Variants in TNC observed in about 807,000 individuals in gnomAD.
TNC encodes tenascin C.
Under a neutral mutation model 202.4 loss-of-function variants are expected in TNC, and 109 were observed. That is an observed-to-expected ratio of 0.54 (90% CI 0.46 to 0.63). The LOEUF (loss-of-function observed/expected upper bound fraction) is 0.63. Ranked by LOEUF, TNC falls within the 30% of genes least tolerant of loss-of-function variation. TNC has a pLI of 0.00. For missense variants in TNC, 2,756 were observed against 2,833.3 expected (o/e 0.97, Z 0.62); for synonymous variants, 1,007 against 1,089.7 (o/e 0.92, Z 1.50).
chr9:115,047,414 T>G (rs1309564067), intron 16 of TNC, among the ~76,000 whole-genome samples: 1 of 152,148 alleles, frequency 6.6e-6, no homozygotes, highest in Non-Finnish European at 1.5e-5. Flanking sequence ...AGAGCTGAGT[T>G]TCCCAAAGTG....
chr9:115,078,670 A>G (rs1834068429), intron 6 of TNC, among the ~76,000 whole-genome samples: 4 of 152,246 alleles, frequency 2.6e-5, no homozygotes, highest in Admixed American at 1.3e-4. Context: ...TACCAAGCAG[A>G]AAAGTGAGGC....
At position 115,053,159 on chromosome 9, in the gene TNC, A is replaced by T. The variant is rs935371699; in HGVS notation, c.4579+3994T>A. ...AGACAGTATGTTAGGCTGTGTCTAC[A>T]CCTGCATTGAATATGATGATAGAAA... is the stretch of plus-strand genomic sequence containing the variant. On this transcript the variant is annotated intron_variant, in intron 15 of 27. Transcript: ENST00000350763. 15 of 591,796 alleles carry T rather than the reference A, an allele frequency of 2.5e-5. No individual in the cohort carries two copies. In the African/African-American group the frequency reaches 2.6e-4, roughly 10 times the overall value. 36.7% of individuals were successfully genotyped at this position (591,796 alleles called of 1,614,324 possible).
chr9:115,105,876 G>A (rs895288928), intron 1 of TNC, among the ~76,000 whole-genome samples: 5 of 152,110 alleles, frequency 3.3e-5, no homozygotes, highest in African/African-American at 9.7e-5. Context: ...TGTTTAATAG[G>A]TTCATGCTCG....
intron 1 of TNC, among the ~76,000 whole-genome samples, chr9:115,095,955 T>C (rs1835759995): frequency 6.6e-6 from 1 of 152,076 alleles, no homozygotes; most frequent in Non-Finnish European, 1.5e-5. Context: ...ACGCAGATTT[T>C]TGGGGTCCCA....
chr9:115,104,516 A>C (rs535870702), intron 1 of TNC, among the ~76,000 whole-genome samples: 1 of 152,150 alleles, frequency 6.6e-6, no homozygotes, highest in Non-Finnish European at 1.5e-5. Context: ...CTTAAGACCA[A>C]TTTCTACTTA....
At position 115,042,219 on chromosome 9, in the gene TNC, C is replaced by G; in HGVS notation, c.5248G>C (p.Gly1750Arg). 6.2e-7 allele frequency: 1 copy of G among 1,613,804 alleles called. No individual in the cohort carries two copies. The highest frequency in any genetic ancestry group is 1.1e-5 in the South Asian group (1 of 91,008). Residue 1750 changes from glycine (G) to arginine (R), a missense_variant and splice_region_variant, in exon 18 of 28, where the codon GGT (glycine) becomes CGT (arginine). Physicochemically the swap from Gly to Arg is moderately radical, Grantham distance 125. Coordinates refer to ENST00000350763, the MANE Select transcript of TNC (RefSeq NM_002160.4). ...TCTCTCCCCTTTCCGAGTCTCCTACCTCCTGTAATGGGCACATAGGTAATC... is the reference window on the plus strand; with the variant it reads ...TCTCTCCCCTTTCCGAGTCTCCTACGTCCTGTAATGGGCACATAGGTAATC... ...FRITYVPITG[G>R]TPSMVTVDGT... is the part of the protein sequence containing the mutation.
intron 15 of TNC, among the ~76,000 whole-genome samples, chr9:115,050,105 T>G (rs1831532694): frequency 6.6e-6 from 1 of 152,184 alleles, no homozygotes; most frequent in African/African-American, 2.4e-5. Flanking sequence ...TCCTGGATTT[T>G]GTTTAGATAA....
chr9:115,104,991 A>G (rs1445453611), intron 1 of TNC, among the ~76,000 whole-genome samples: 5 of 152,190 alleles, frequency 3.3e-5, no homozygotes, highest in Non-Finnish European at 7.3e-5. Flanking sequence ...GCAAAACTAG[A>G]CAGCTTTGGA....
Position 115,073,805 on chromosome 9 carries a change from G to A in TNC, c.3012C>T (p.Leu1004=), listed in dbSNP as rs1752795193. 6.2e-7 allele frequency: 1 copy of A among 1,613,896 alleles called. No individual in the cohort carries two copies. The highest frequency in any genetic ancestry group is 1.7e-5 in the Admixed American group (1 of 60,004). ...SETAETSLTL[L]WKTPLAKFDR... is the part of the protein sequence containing the mutation. ...CAAATTTGGCCAACGGTGTCTTCCA[G>A]AGCAGGGTCAGGCTGGTCTCTGCAG... The change falls in exon 10 of 28, where the codon CTC becomes CTT. Residue 1004 remains leucine (L), a synonymous_variant. Transcript: ENST00000350763.
chr9:115,027,477 C>T (rs576001978), intron 25 of TNC, among the ~76,000 whole-genome samples: 3 of 152,086 alleles, frequency 2.0e-5, no homozygotes, highest in South Asian at 4.2e-4. Context: ...GTAATCTCAG[C>T]TACCTGGGGG....
chr9:115,106,446 A>G (rs1328227965), intron 1 of TNC, among the ~76,000 whole-genome samples: 1 of 152,230 alleles, frequency 6.6e-6, no homozygotes, highest in Admixed American at 6.5e-5. Context: ...TATCATTAAT[A>G]TGAATAGAGT....
intron 13 of TNC, among the ~76,000 whole-genome samples, chr9:115,061,709 A>G (rs1456495035): frequency 6.6e-6 from 1 of 152,234 alleles, no homozygotes; most frequent in Non-Finnish European, 1.5e-5. Context: ...AGAGTGGGGC[A>G]TGGGCTTAGG....
At chr9:115,092,596 C>T (rs1416218309) in intron 1 of TNC, among the ~76,000 whole-genome samples, 1 of 152,078 alleles carries the variant, frequency 6.6e-6, no homozygotes, top group Admixed American at 6.6e-5. Context: ...ATTTTTGAGA[C>T]AGAGTCTCAC....
intron 1 of TNC, among the ~76,000 whole-genome samples, chr9:115,100,027 T>C (rs1300983505): frequency 6.6e-6 from 1 of 152,178 alleles, no homozygotes; most frequent in Non-Finnish European, 1.5e-5. Context: ...GTGGGGCTCT[T>C]TTCTGGGAGG....
intron 6 of TNC, 30 bp downstream of exon 6, chr9:115,081,742 C>G: frequency 6.2e-7 from 1 of 1,612,920 alleles, no homozygotes; most frequent in Admixed American, 1.7e-5. Flanking sequence ...TCAGCCTTAT[C>G]ATTCTATAAG....
At chr9:115,078,997 C>T (rs1002646162) in intron 6 of TNC, among the ~76,000 whole-genome samples, 4 of 152,156 alleles carry the variant, frequency 2.6e-5, no homozygotes, top group East Asian at 3.9e-4. Context: ...TTTTTTAACC[C>T]GGCTTCAGTC....
chr9:115,095,608 G>GTATATATATGTA (rs1445163214), intron 1 of TNC, among the ~76,000 whole-genome samples: 1 of 1,560 alleles, frequency 6.4e-4, no homozygotes, highest in African/African-American at 2.2e-3. Context: ...ATATATATAT[G>GTATATATATGTA]TATATATGTA....
At position 115,089,494 on chromosome 9, in the gene TNC, C is replaced by G. The variant is rs575108459; in HGVS notation, c.457+1068G>C. Reference sequence around the variant, plus strand: ...AAAATCCCTATCTCTCTCTCTCTCTCTCTCTCTCTATCTCTTTTTTTTTCG... The same window carrying G: ...AAAATCCCTATCTCTCTCTCTCTCTGTCTCTCTCTATCTCTTTTTTTTTCG... On this transcript the variant is annotated intron_variant, in intron 2 of 27. Coordinates refer to ENST00000350763, the MANE Select transcript of TNC (RefSeq NM_002160.4). Among the ~76,000 whole-genome samples the G allele has an allele frequency of 2.0e-5, 3 of 152,184 alleles. No individual in the cohort carries two copies. In the South Asian group the frequency reaches 6.3e-4, roughly 32 times the overall value.
chr9:115,041,161 T>C, intron 18 of TNC, 77 bp from the exon 19 acceptor site: 1 of 1,469,186 alleles, frequency 6.8e-7, no homozygotes, highest in Non-Finnish European at 9.2e-7. Flanking sequence ...AAAAAGAGTG[T>C]ATCTGATTTA....
Sources: gnomAD v4.1 joint callset for allele counts (sites outside exome capture counted in the v4.1 genomes callset) on GRCh38, gnomAD v4.1.1 for gene constraint, MANE v1.5 for transcripts, NCBI Gene and HGNC (gene_info 2026-07-23, HGNC 2026-07-21) for gene names.